The following ACSM2B variants were observed in gnomAD, a reference collection of about 807,000 sequenced individuals.
ACSM2B encodes acyl-CoA synthetase medium chain family member 2B.
A neutral mutation model predicts 78.6 loss-of-function variants in ACSM2B; 58 were observed. The observed-to-expected ratio is 0.74, with a 90% CI of 0.60 to 0.92. ACSM2B has a LOEUF of 0.92. Ranked by LOEUF, ACSM2B falls within the 40% of genes least tolerant of loss-of-function variation. The pLI, the probability that ACSM2B is intolerant of heterozygous loss-of-function variation, is 0.00. For missense variants in ACSM2B, 688 were observed against 711.2 expected (o/e 0.97, Z 0.37); for synonymous variants, 257 against 256.8 (o/e 1.00, Z -0.01).
At chr16:20,540,386 G>A (rs75567046) in intron 13 of ACSM2B, among the ~76,000 whole-genome samples, 16,904 of 151,858 alleles carry the variant, frequency 0.11, 1,071 homozygotes, top group South Asian at 0.14. Flanking sequence ...GGGATTACAG[G>A]CACATGCCAC....
At chr16:20,569,287 G>A (rs1035899262) in intron 1 of ACSM2B, among the ~76,000 whole-genome samples, 1 of 151,962 alleles carries the variant, frequency 6.6e-6, no homozygotes. Flanking sequence ...CATGTGGCTT[G>A]CCAATTATCC....
At position 20,540,780 on chromosome 16, in the gene ACSM2B, A is replaced by G; in HGVS notation, c.1510-7T>C. 1.9e-6 allele frequency: 3 copies of G among 1,613,408 alleles called. No individual in the cohort carries two copies. The highest frequency in any genetic ancestry group is 1.1e-5 in the South Asian group (1 of 91,064). ...TCACAAATGCCTTCACCACCTGCAAAATAGATGAAGGCCAAGAGATAAGGG... is the reference window on the plus strand; with the variant it reads ...TCACAAATGCCTTCACCACCTGCAAGATAGATGAAGGCCAAGAGATAAGGG... On this transcript the variant is annotated splice_region_variant and splice_polypyrimidine_tract_variant and intron_variant, in intron 12 of 13. Coordinates refer to ENST00000329697, the MANE Select transcript of ACSM2B (RefSeq NM_001105069.2).
At chr16:20,541,171 C>T (rs1026921789) in intron 12 of ACSM2B, 11 of 167,848 alleles carry the variant, frequency 6.6e-5, no homozygotes, top group Admixed American at 1.7e-4. Flanking sequence ...CTTATGGTAA[C>T]TAAAATGAAA....
chr16:20,565,462 C>T (rs922356994), intron 1 of ACSM2B, among the ~76,000 whole-genome samples: 4 of 152,142 alleles, frequency 2.6e-5, no homozygotes, highest in Non-Finnish European at 5.9e-5. Flanking sequence ...AGCATGGCCA[C>T]TAGCAACACA....
intron 1 of ACSM2B, among the ~76,000 whole-genome samples, chr16:20,566,682 G>GTATATATACTATATATAATATATACTA (rs1235758959): frequency 2.5e-4 from 1 of 4,026 alleles, no homozygotes; most frequent in African/African-American, 6.0e-4. Context: ...TATACATATA[G>GTATATATACTATATATAATATATACTA]TATATACTAT....
intron 1 of ACSM2B, chr16:20,575,376 A>ACACACAAC (rs2016217518): frequency 6.6e-6 from 1 of 151,780 alleles, no homozygotes; most frequent in Admixed American, 6.6e-5. Context: ...GTATATATAT[A>ACACACAAC]TACACAACTG....
chr16:20,558,224 C>T (rs1264681489), intron 3 of ACSM2B, among the ~76,000 whole-genome samples: 2 of 152,078 alleles, frequency 1.3e-5, no homozygotes, highest in African/African-American at 4.8e-5. Flanking sequence ...AGATCAGTAA[C>T]TGATACCAAG....
intron 1 of ACSM2B, among the ~76,000 whole-genome samples, chr16:20,567,731 G>C (rs1482517515): frequency 7.2e-6 from 1 of 138,044 alleles, no homozygotes; most frequent in Admixed American, 8.0e-5. Context: ...CTGGTTCTCA[G>C]AGTGAATTTA....
chr16:20,566,151 AAT>A (rs532204208), intron 1 of ACSM2B, among the ~76,000 whole-genome samples: 22 of 142,816 alleles, frequency 1.5e-4, no homozygotes, highest in South Asian at 4.3e-4. Flanking sequence ...TTGTTTATAT[AAT>A]ATATATATAT....
intron 1 of ACSM2B, among the ~76,000 whole-genome samples, chr16:20,566,717 A>ATATCT (rs1567218502): frequency 0.038 from 256 of 6,822 alleles, 17 homozygotes; most frequent in East Asian, 0.11. Context: ...TAGTATATAT[A>ATATCT]GTATATACTA....
intron 13 of ACSM2B, among the ~76,000 whole-genome samples, chr16:20,539,561 T>TG (rs1264983867): frequency 6.6e-6 from 1 of 151,498 alleles, no homozygotes; most frequent in Non-Finnish European, 1.5e-5. Flanking sequence ...CCTTTTCCTG[T>TG]GGGGAGCCAC....
chr16:20,561,498 A>G (rs969425384), intron 2 of ACSM2B, among the ~76,000 whole-genome samples: 3 of 151,676 alleles, frequency 2.0e-5, no homozygotes, highest in Non-Finnish European at 4.4e-5. Context: ...AACGAAGGGG[A>G]TGGTGCTAAG....
intron 5 of ACSM2B, among the ~76,000 whole-genome samples, chr16:20,553,445 C>T (rs551791255): frequency 1.3e-5 from 2 of 152,258 alleles, no homozygotes; most frequent in African/African-American, 2.4e-5. Context: ...GGAGTGTGGG[C>T]GGTATCAAAG....
At chr16:20,554,767 T>C (rs2015417427) in intron 4 of ACSM2B, among the ~76,000 whole-genome samples, 1 of 152,264 alleles carries the variant, frequency 6.6e-6, no homozygotes, top group Non-Finnish European at 1.5e-5. Context: ...GCCTCACCCC[T>C]GATTTGAGTC....
At chr16:20,573,742 AC>A (rs1225253058) in intron 1 of ACSM2B, among the ~76,000 whole-genome samples, 2 of 151,502 alleles carry the variant, frequency 1.3e-5, no homozygotes, top group Non-Finnish European at 2.9e-5. Flanking sequence ...TAGTGGTAGG[AC>A]TATGATGGTG....
intron 1 of ACSM2B, among the ~76,000 whole-genome samples, chr16:20,568,795 G>A (rs902314833): frequency 6.6e-6 from 1 of 151,704 alleles, no homozygotes; most frequent in Non-Finnish European, 1.5e-5. Context: ...TTGTGGTTTT[G>A]ATTTGCATTT....
chr16:20,545,257 A>T lies in ACSM2B; in HGVS notation c.1181T>A (p.Val394Asp). ...GTAASCYDVQ[V>D]IDDKGNVLPP... ...CAGGACGTTGCCCTTATCATCTATA[A>T]CCTGGAGAAAGAAGCATATTGGAAG... is the stretch of plus-strand genomic sequence containing the variant. Residue 394 changes from valine to aspartate, a missense_variant and splice_region_variant, in exon 10 of 14, where the codon GTT becomes GAT. Physicochemically the swap from Val to Asp is radical, Grantham distance 152. Transcript: ENST00000329697. 6.2e-7 allele frequency: 1 copy of T among 1,612,878 alleles called. No homozygotes were observed.
Position 20,564,684 on chromosome 16 carries a change from C to A in ACSM2B, c.162G>T (p.Trp54Cys), listed in dbSNP as rs750929907. The change falls in exon 2 of 14, where the codon TGG becomes TGT. Residue 54 changes from tryptophan (W) to cysteine (C), a missense_variant. Trp to Cys is a radical substitution (Grantham distance 215). Transcript: ENST00000329697. ...FNFASDVLDH[W>C]ADMEKAGKRL... is the part of the protein sequence containing the mutation. ...ATCCCATTACCTTCTCCATGTCAGCCCAGTGATCCAACACATCACTAGCAA... is the reference window on the plus strand; with the variant it reads ...ATCCCATTACCTTCTCCATGTCAGCACAGTGATCCAACACATCACTAGCAA... 1 of 1,613,534 alleles carries A rather than the reference C, an allele frequency of 6.2e-7. No homozygotes were observed. Among genetic ancestry groups the A allele is most frequent in the Non-Finnish European group, 8.5e-7 (1 of 1,179,780 alleles).
At chr16:20,566,194 T>A (rs2015825216) in intron 1 of ACSM2B, among the ~76,000 whole-genome samples, 1 of 137,824 alleles carries the variant, frequency 7.3e-6, no homozygotes, top group East Asian at 2.1e-4. Flanking sequence ...GTGCCTTTCT[T>A]CCTTCCAAGC....
Sources: allele counts gnomAD v4.1 joint callset (sites outside exome capture counted in the v4.1 genomes callset), GRCh38; gene constraint gnomAD v4.1.1; transcripts MANE v1.5; gene names NCBI Gene and HGNC (gene_info 2026-07-23, HGNC 2026-07-21).